Variants in GAB4 observed in about 807,000 individuals in gnomAD.
GAB4 encodes the protein GRB2-associated-binding protein 4.
A neutral mutation model predicts 51.3 loss-of-function variants in GAB4; 26 were observed. The observed-to-expected ratio is 0.51, with a 90% confidence interval of 0.37 to 0.70. GAB4 has a LOEUF of 0.70. Among genes scored for constraint, GAB4 ranks in the 30% least tolerant of loss-of-function variants. The probability of loss-of-function intolerance (pLI) is 0.00; values close to 1 mark genes in which losing one functional copy is unlikely to be tolerated. For missense variants in GAB4, 759 were observed against 734.6 expected (o/e 1.03, Z -0.38); for synonymous variants, 329 against 291.2 (o/e 1.13, Z -1.32).
intron 1 of GAB4, among the ~76,000 whole-genome samples, chr22:17,006,044 T>C: frequency 6.6e-6 from 1 of 152,136 alleles, no homozygotes; most frequent in East Asian, 1.9e-4. Context: ...ACTAAAGAGC[T>C]TCTGCATAGC....
intron 2 of GAB4, 45 bp downstream of exon 2, chr22:16,991,828 C>T (rs1383287164): frequency 6.7e-7 from 1 of 1,493,146 alleles, no homozygotes; most frequent in East Asian, 2.3e-5. Context: ...ATTGGAGGGC[C>T]TCATCTCAGC....
chr22:16,979,837 G>C (rs2060812258), intron 3 of GAB4, among the ~76,000 whole-genome samples: 2 of 152,152 alleles, frequency 1.3e-5, no homozygotes, highest in African/African-American at 4.8e-5. Context: ...GAACAGAACA[G>C]AGACCTCAGA....
intron 1 of GAB4, among the ~76,000 whole-genome samples, chr22:16,994,626 T>A (rs2060937353): frequency 6.6e-6 from 1 of 152,266 alleles, no homozygotes; most frequent in African/African-American, 2.4e-5. Context: ...GTTTATATGT[T>A]CACCCTAAAT....
intron 2 of GAB4, among the ~76,000 whole-genome samples, chr22:16,990,102 T>C (rs1229848327): frequency 6.6e-6 from 1 of 152,094 alleles, no homozygotes; most frequent in Non-Finnish European, 1.5e-5. Flanking sequence ...TCACTCTTTC[T>C]CACCAACCAT....
At chr22:16,973,499 T>G (rs568792437) in intron 3 of GAB4, among the ~76,000 whole-genome samples, 1 of 152,184 alleles carries the variant, frequency 6.6e-6, no homozygotes, top group East Asian at 1.9e-4. Flanking sequence ...GGTCCCTTAC[T>G]CCAGCTCAGA....
chr22:16,965,308 C>T (rs767947808), intron 6 of GAB4, 40 bp from the exon 7 acceptor site: 9 of 1,497,160 alleles, frequency 6.0e-6, no homozygotes, highest in Non-Finnish European at 8.4e-6. Flanking sequence ...CCAGTGATGA[C>T]ACCACACCCA....
chr22:16,967,991 G>A (rs2060694578), intron 5 of GAB4, among the ~76,000 whole-genome samples: 1 of 152,084 alleles, frequency 6.6e-6, no homozygotes, highest in Non-Finnish European at 1.5e-5. Context: ...CCTGCTCCAG[G>A]GGACCTCATG....
intron 2 of GAB4, 44 bp from the exon 3 acceptor site, chr22:16,988,211 G>T: frequency 7.6e-7 from 1 of 1,310,880 alleles, no homozygotes; most frequent in Non-Finnish European, 1.1e-6. Flanking sequence ...TCCTAAAGTG[G>T]GCTGCTAGAG....
At chr22:16,969,850 A>C in intron 4 of GAB4, 93 bp downstream of exon 4, 1 of 1,445,942 alleles carries the variant, frequency 6.9e-7, no homozygotes, top group East Asian at 2.3e-5. Context: ...TGGTGCACTG[A>C]GAGTGGGGTG....
At chr22:16,972,842 C>T (rs1286551885) in intron 3 of GAB4, among the ~76,000 whole-genome samples, 9 of 152,172 alleles carry the variant, frequency 5.9e-5, no homozygotes, top group Non-Finnish European at 1.0e-4. Context: ...TTCCTAACCT[C>T]CCAGCTTAAA....
intron 3 of GAB4, among the ~76,000 whole-genome samples, chr22:16,984,789 C>T (rs142247734): frequency 3.5e-3 from 540 of 152,322 alleles, no homozygotes; most frequent in African/African-American, 0.011. Flanking sequence ...TGGGTGGTTT[C>T]GTGCTCAGAA....
chr22:17,008,174 G>A lies in GAB4; in HGVS notation c.-60C>T. On this transcript the variant is annotated 5_prime_UTR_variant, in exon 1 of 10. Coordinates refer to ENST00000400588, the MANE Select transcript of GAB4 (RefSeq NM_001037814.1). ...AGGGCGAGAGGGCGTTGCTGGAGGTGGGGTGTGAGGGACGGCTTGCGATAC... is the reference window on the plus strand; with the variant it reads ...AGGGCGAGAGGGCGTTGCTGGAGGTAGGGTGTGAGGGACGGCTTGCGATAC... 8.2e-7 allele frequency: 1 copy of A among 1,222,134 alleles called. No homozygotes were observed. Among genetic ancestry groups the A allele is most frequent in the Non-Finnish European group, 1.2e-6 (1 of 855,532 alleles). The allele number at this position is 1,222,134 out of a possible 1,614,324, so 75.7% of individuals were successfully genotyped here.
intron 3 of GAB4, among the ~76,000 whole-genome samples, chr22:16,973,661 T>C (rs1180710915): frequency 1.3e-5 from 2 of 152,144 alleles, no homozygotes; most frequent in Non-Finnish European, 2.9e-5. Flanking sequence ...GGTCCCTAAC[T>C]CTCCCTCTCA....
intron 1 of GAB4, among the ~76,000 whole-genome samples, chr22:16,997,689 G>A (rs1354801256): frequency 3.3e-5 from 5 of 152,300 alleles, no homozygotes; most frequent in Admixed American, 6.5e-5. Flanking sequence ...CATTACTTTG[G>A]TGTTTTAATT....
intron 1 of GAB4, among the ~76,000 whole-genome samples, chr22:16,994,317 C>A (rs1294833396): frequency 6.6e-6 from 1 of 152,134 alleles, no homozygotes; most frequent in African/African-American, 2.4e-5. Flanking sequence ...ATAAACCGTA[C>A]CCAATAAGCC....
chr22:16,973,657 T>C (rs2060752807), intron 3 of GAB4, among the ~76,000 whole-genome samples: 1 of 152,218 alleles, frequency 6.6e-6, no homozygotes, highest in Non-Finnish European at 1.5e-5. Context: ...TACTGGTCCC[T>C]AACTCTCCCT....
At chr22:16,983,542 G>A (rs1408375467) in intron 3 of GAB4, among the ~76,000 whole-genome samples, 3 of 152,130 alleles carry the variant, frequency 2.0e-5, no homozygotes, top group Non-Finnish European at 4.4e-5. Flanking sequence ...CATATTACCT[G>A]ACTTCAAAAT....
At chr22:16,979,283 A>G (rs759648301) in intron 3 of GAB4, among the ~76,000 whole-genome samples, 2 of 152,198 alleles carry the variant, frequency 1.3e-5, no homozygotes, top group Non-Finnish European at 2.9e-5. Context: ...AGAAAACCCC[A>G]CTGTCTCAGC....
intron 9 of GAB4, among the ~76,000 whole-genome samples, chr22:16,963,250 G>A (rs1166103986): frequency 5.3e-5 from 8 of 152,240 alleles, no homozygotes; most frequent in South Asian, 2.1e-4. Context: ...CTCCCCAAGG[G>A]GCGCAATGCA....
Sources: gnomAD v4.1 joint callset for allele counts (sites outside exome capture counted in the v4.1 genomes callset) on GRCh38, gnomAD v4.1.1 for gene constraint, MANE v1.5 for transcripts, NCBI Gene and HGNC (gene_info 2026-07-23, HGNC 2026-07-21) for gene names.